The following CTDSP1 variants were observed in gnomAD, a reference collection of about 807,000 sequenced individuals.
CTDSP1 encodes the protein CTD small phosphatase 1.
A neutral mutation model predicts 32.5 loss-of-function variants in CTDSP1; 15 were observed. The observed-to-expected ratio is 0.46, with a 90% CI of 0.31 to 0.71. The LOEUF (loss-of-function observed/expected upper bound fraction) is 0.71, where lower values mean the gene tolerates loss of function less well. Among genes scored for constraint, CTDSP1 ranks in the 30% least tolerant of loss-of-function variants. CTDSP1 has a pLI of 0.05. For synonymous variants in CTDSP1, 185 were observed against 145.4 expected (o/e 1.27, Z -1.96); for missense variants, 294 against 351.1 (o/e 0.84, Z 1.30).
chr2:218,402,932 C>T (rs1040340751), intron 4 of CTDSP1, 103 bp from the exon 5 acceptor site: 10 of 834,804 alleles, frequency 1.2e-5, no homozygotes, highest in Non-Finnish European at 2.0e-5. Context: ...GGCCCAGTCT[C>T]CTTCCTGTGC....
At chr2:218,400,219 G>A in intron 1 of CTDSP1, 62 bp downstream of exon 1, 1 of 1,465,842 alleles carries the variant, frequency 6.8e-7, no homozygotes, top group Non-Finnish European at 9.1e-7. Flanking sequence ...AAGGGGCCGG[G>A]ATCTTCCCCA....
chr2:218,401,392 T>G, intron 1 of CTDSP1, 172 bp from the exon 2 acceptor site: 1 of 676,220 alleles, frequency 1.5e-6, no homozygotes, highest in Non-Finnish European at 2.5e-6. Context: ...TTGCAGTTGA[T>G]TGTGGAGCCC....
rs1293541815 is a variant in CTDSP1 at position 218,400,007 on chromosome 2, C to G, written c.-84C>G. The G allele has an allele frequency of 6.9e-6, 9 of 1,310,044 alleles. No homozygotes were observed. The highest frequency in any genetic ancestry group is 5.9e-5 in the South Asian group (3 of 51,116). 81.2% of individuals were successfully genotyped at this position (1,310,044 alleles called of 1,614,324 possible). ...CCTCCCTCCCACCCCTCCCCTCCCCCCCGCGCCCCGATTCCGGCCCCAGCC... is the reference window on the plus strand; with the variant it reads ...CCTCCCTCCCACCCCTCCCCTCCCCGCCGCGCCCCGATTCCGGCCCCAGCC... On this transcript the variant is annotated 5_prime_UTR_variant, in exon 1 of 7. Transcript: ENST00000273062.
upstream of CTDSP1, chr2:218,396,583 A>G (rs1559129313): frequency 6.6e-6 from 1 of 152,402 alleles, no homozygotes; most frequent in African/African-American, 2.4e-5. Context: ...TGGGTCCCTC[A>G]AGGAGAGAAG....
rs1449358791 is a variant in CTDSP1 at position 218,400,246 on chromosome 2, C to T, written c.67+89C>T. The T allele has an allele frequency of 1.5e-5, 19 of 1,271,944 alleles. 1 individual carries two copies. In the East Asian group the frequency reaches 3.8e-4, roughly 26 times the overall value. The allele number at this position is 1,271,944 out of a possible 1,614,324, so 78.8% of individuals were successfully genotyped here. On this transcript the variant is annotated intron_variant, in intron 1 of 6. Coordinates refer to ENST00000273062, the MANE Select transcript of CTDSP1 (RefSeq NM_021198.3). ...TCTTCCCCAGGGGAGCCGCCGCCGC[C>T]GCCCCGGGCGGCCGCCTTAGCTGTG...
At chr2:218,398,817 C>A (rs148136197), upstream of CTDSP1, 2 of 175,814 alleles carry the variant, frequency 1.1e-5, no homozygotes, top group Admixed American at 6.3e-5. Context: ...ACTTCATAAA[C>A]GAGGAAAAAG....
chr2:218,402,461 T>C lies in CTDSP1; in HGVS notation c.378+56T>C. On this transcript the variant is annotated intron_variant, in intron 4 of 6. Transcript: ENST00000273062. ...TGGCATCTGCCTCCAGACCCTAGGCTCTTCCCACCAATCCGGAGCGCCTCG... is the reference window on the plus strand; with the variant it reads ...TGGCATCTGCCTCCAGACCCTAGGCCCTTCCCACCAATCCGGAGCGCCTCG... The C allele has an allele frequency of 1.9e-6, 3 of 1,539,642 alleles. No homozygotes were observed. The South Asian group carries it at 3.5e-5, about 18-fold the overall frequency.
At chr2:218,397,751 AC>A (rs368483069), upstream of CTDSP1, among the ~76,000 whole-genome samples, 371 of 151,410 alleles carry the variant, frequency 2.5e-3, 3 homozygotes, top group Middle Eastern at 0.017. Flanking sequence ...CACTCGAAGG[AC>A]CCCCCTCCCC....
At chr2:218,403,865 G>A (rs767550512) in intron 6 of CTDSP1, 32 of 187,748 alleles carry the variant, frequency 1.7e-4, no homozygotes, top group Admixed American at 8.0e-4. Context: ...TTCAAGACCA[G>A]CCTCGGCAAC....
chr2:218,405,385 C>CCGTT lies in CTDSP1; in HGVS notation c.*962_*965dup, dbSNP rs1007769554. On this transcript the variant is annotated 3_prime_UTR_variant, in exon 7 of 7. Coordinates refer to ENST00000273062, the MANE Select transcript of CTDSP1 (RefSeq NM_021198.3). Reference sequence around the variant, plus strand: ...CCTCTGTCCCTCACACCCCTTTGCTCCGTTCATTCATTCAAAAAAACATTT... The same window carrying CCGTT: ...CCTCTGTCCCTCACACCCCTTTGCTCCGTTCGTTCATTCATTCAAAAAAACATTT... 1.3e-5 allele frequency: 2 copies of CCGTT among 152,582 alleles called. No individual in the cohort carries two copies. Among genetic ancestry groups the CCGTT allele is most frequent in the Admixed American group, 6.5e-5 (1 of 15,288 alleles). 9.5% of individuals were successfully genotyped at this position (152,582 alleles called of 1,614,324 possible). A position where few individuals can be genotyped will look rare whatever the true frequency, so the allele number is the denominator to read the frequency against.
At chr2:218,403,616 A>G in intron 6 of CTDSP1, 199 bp downstream of exon 6, 3 of 526,456 alleles carry the variant, frequency 5.7e-6, no homozygotes, top group Non-Finnish European at 9.9e-6. Context: ...CCCCTCGCAC[A>G]AAGCAGAGCA....
Position 218,405,637 on chromosome 2 carries a change from C to T in CTDSP1, c.*1212C>T, listed in dbSNP as rs1697372785. 1 of 152,930 alleles carries T rather than the reference C, an allele frequency of 6.5e-6. No individual in the cohort carries two copies. The highest frequency in any genetic ancestry group is 1.9e-4 in the East Asian group (1 of 5,334). The allele number at this position is 152,930 out of a possible 1,614,324, so 9.5% of individuals were successfully genotyped here. On this transcript the variant is annotated 3_prime_UTR_variant, in exon 7 of 7. Transcript: ENST00000273062. The stretch of plus-strand genomic sequence containing the variant: ...CTCCTACAGCCCCCTGCCTGATCCC[C>T]TGCTGGCTGGGGGCAGCTCCCAGGA...
intron 1 of CTDSP1, chr2:218,401,239 G>T: frequency 2.4e-6 from 1 of 422,972 alleles, no homozygotes; most frequent in Non-Finnish European, 4.5e-6. Context: ...AGGAGGCACC[G>T]CAATGGGGCT....
chr2:218,401,555 C>G lies in CTDSP1; in HGVS notation c.68-9C>G, dbSNP rs200409368. The G allele has an allele frequency of 6.2e-7, 1 of 1,613,634 alleles. No homozygotes were observed. The highest frequency in any genetic ancestry group is 1.3e-5 in the African/African-American group (1 of 75,056). On this transcript the variant is annotated splice_polypyrimidine_tract_variant and intron_variant, in intron 1 of 6. Coordinates refer to ENST00000273062, the MANE Select transcript of CTDSP1 (RefSeq NM_021198.3). ...CACCGAGCCTCCAACTTGTGCCTCC[C>G]TACTTCAGGTGACCAGAAGTCAGCA...
At chr2:218,403,187 C>G in intron 5 of CTDSP1, 45 bp from the exon 6 acceptor site, 1 of 1,612,442 alleles carries the variant, frequency 6.2e-7, no homozygotes, top group Non-Finnish European at 8.5e-7. Context: ...CGCATGCAGC[C>G]CAATGAACCT....
At chr2:218,400,437 T>G in intron 1 of CTDSP1, 2 of 526,502 alleles carry the variant, frequency 3.8e-6, no homozygotes, top group East Asian at 3.6e-5. Context: ...CTGGCAGGCA[T>G]TGCGTGGTGC....
chr2:218,400,881 C>G (rs754622306), intron 1 of CTDSP1: 3 of 455,626 alleles, frequency 6.6e-6, no homozygotes, highest in South Asian at 4.6e-5. Flanking sequence ...ACCTCAGGAT[C>G]TGGACGCTGC....
chr2:218,400,047 G>A lies in CTDSP1; in HGVS notation c.-44G>A. 2.2e-6 allele frequency: 3 copies of A among 1,351,678 alleles called. No homozygotes were observed. Among genetic ancestry groups the A allele is most frequent in the East Asian group, 3.1e-5 (1 of 32,188 alleles). The allele number at this position is 1,351,678 out of a possible 1,614,324, so 83.7% of individuals were successfully genotyped here. The stretch of plus-strand genomic sequence containing the variant: ...CGGCCCCAGCCGGGGGGGAGGCCGG[G>A]CGCCCGGGCCAGAGTCCGGCCGGAG... On this transcript the variant is annotated 5_prime_UTR_variant, in exon 1 of 7. Coordinates refer to ENST00000273062, the MANE Select transcript of CTDSP1 (RefSeq NM_021198.3).
upstream of CTDSP1, chr2:218,398,646 C>T (rs1310896866): frequency 2.4e-6 from 1 of 408,230 alleles, no homozygotes; most frequent in African/African-American, 2.1e-5. Flanking sequence ...TGCGCCGCGT[C>T]GCACCCGGCG....
Sources: gnomAD v4.1 joint callset for allele counts (sites outside exome capture counted in the v4.1 genomes callset) on GRCh38, gnomAD v4.1.1 for gene constraint, MANE v1.5 for transcripts, NCBI Gene and HGNC (gene_info 2026-07-23, HGNC 2026-07-21) for gene names.